MAT1A: variants seen among roughly 807,000 people sequenced by gnomAD.
The protein encoded by MAT1A is S-adenosylmethionine synthase isoform type-1.
In MAT1A, 19 loss-of-function variants were observed where a neutral mutation model predicts 44.0. The ratio of observed to expected loss-of-function variants is 0.43; its 90% CI spans 0.30 to 0.63. The LOEUF is 0.63. Among genes scored for constraint, MAT1A ranks in the 30% least tolerant of loss-of-function variants. The pLI, the probability that MAT1A is intolerant of heterozygous loss-of-function variation, is 0.12. For missense variants in MAT1A, 397 were observed against 531.0 expected (o/e 0.75, Z 2.48); for synonymous variants, 205 against 205.6 (o/e 1.00, Z 0.03).
chr10:80,284,509 T>C (rs1272762196), intron 2 of MAT1A, among the ~76,000 whole-genome samples: 1 of 152,176 alleles, frequency 6.6e-6, no homozygotes, highest in Admixed American at 6.5e-5. Flanking sequence ...TTTACAAAGA[T>C]ATAAGGGTAG....
chr10:80,274,705 C>G, intron 7 of MAT1A, 52 bp from the exon 8 acceptor site: 1 of 1,612,238 alleles, frequency 6.2e-7, no homozygotes, highest in Non-Finnish European at 8.5e-7. Flanking sequence ...GGGCCCTGCC[C>G]CTTTCAGAAG....
chr10:80,281,380 G>A (rs749991876), intron 3 of MAT1A, among the ~76,000 whole-genome samples: 2 of 152,164 alleles, frequency 1.3e-5, no homozygotes, highest in Non-Finnish European at 2.9e-5. Context: ...AAAGCCACCT[G>A]CCCTTTCCCA....
chr10:80,272,589 G>C lies in MAT1A; in HGVS notation c.*1192C>G, dbSNP rs1267727435. On this transcript the variant is annotated 3_prime_UTR_variant, in exon 9 of 9. Coordinates refer to ENST00000372213, the MANE Select transcript of MAT1A (RefSeq NM_000429.3). ...CTCCAAATGCACTCAGCCTGCAGGG[G>C]ATACAAGGGACCAGGGAAAGAGAAA... 2.6e-5 allele frequency: 4 copies of C among 152,492 alleles called. No homozygotes were observed. The highest frequency in any genetic ancestry group is 7.2e-5 in the African/African-American group (3 of 41,454). 9.4% of individuals were successfully genotyped at this position (152,492 alleles called of 1,614,324 possible).
intron 2 of MAT1A, among the ~76,000 whole-genome samples, chr10:80,284,340 T>A (rs1170715185): frequency 6.6e-6 from 1 of 152,076 alleles, no homozygotes; most frequent in Non-Finnish European, 1.5e-5. Context: ...GACTGCTATG[T>A]GGATTAAAGG....
intron 5 of MAT1A, among the ~76,000 whole-genome samples, chr10:80,277,441 A>G (rs1841505398): frequency 6.6e-6 from 1 of 152,218 alleles, no homozygotes; most frequent in South Asian, 2.1e-4. Context: ...AGGAGCAACA[A>G]GGAAGGTCCA....
chr10:80,283,798 T>G (rs756024596), intron 3 of MAT1A, 118 bp downstream of exon 3: 40 of 1,490,702 alleles, frequency 2.7e-5, no homozygotes, highest in Non-Finnish European at 3.4e-5. Context: ...TGTAGGAGTG[T>G]TTTCCTCCTG....
chr10:80,283,797 G>A, intron 3 of MAT1A, 119 bp downstream of exon 3: 1 of 1,478,980 alleles, frequency 6.8e-7, no homozygotes, highest in Non-Finnish European at 9.4e-7. Context: ...GTGTAGGAGT[G>A]TTTTCCTCCT....
intron 1 of MAT1A, among the ~76,000 whole-genome samples, chr10:80,287,144 G>T (rs2880456): frequency 0.073 from 11,069 of 152,280 alleles, 427 homozygotes; most frequent in Non-Finnish European, 0.085. Flanking sequence ...GATTGTGAAT[G>T]TCTCTGCCTG....
At chr10:80,274,870 C>T in intron 7 of MAT1A, 147 bp downstream of exon 7, 1 of 1,236,910 alleles carries the variant, frequency 8.1e-7, no homozygotes, top group South Asian at 1.3e-5. Context: ...TTTCAGAGCC[C>T]TGGCCACAGT....
In MAT1A at chr10:80,283,950, GGT is replaced by G; in HGVS notation, c.256_257del (p.Thr86HisfsTer8). ...MVDYQRVVRD[T>X]IKHIGYDDSA... ...AGTCATCGTAGCCGATGTGCTTGAT[GGT>G]GTCCCTCACCACCCGCTGGTAGTCC... On this transcript the variant is annotated frameshift_variant, in exon 3 of 9. Coordinates refer to ENST00000372213, the MANE Select transcript of MAT1A (RefSeq NM_000429.3). LOFTEE classifies it high-confidence loss of function. The G allele has an allele frequency of 1.9e-6, 3 of 1,614,234 alleles. No individual in the cohort carries two copies. The highest frequency in any genetic ancestry group is 2.5e-6 in the Non-Finnish European group (3 of 1,180,034).
At chr10:80,288,911 C>T (rs1024311250) in intron 1 of MAT1A, among the ~76,000 whole-genome samples, 1 of 152,212 alleles carries the variant, frequency 6.6e-6, no homozygotes, top group Non-Finnish European at 1.5e-5. Context: ...GGCCACAGCA[C>T]GGCTTCATCA....
chr10:80,289,427 C>T lies in MAT1A; in HGVS notation c.-4G>A. The T allele has an allele frequency of 6.2e-7, 1 of 1,609,546 alleles. No individual in the cohort carries two copies. Among genetic ancestry groups the T allele is most frequent in the Non-Finnish European group, 8.5e-7 (1 of 1,175,802 alleles). On this transcript the variant is annotated 5_prime_UTR_variant, in exon 1 of 9. Coordinates refer to ENST00000372213, the MANE Select transcript of MAT1A (RefSeq NM_000429.3). ...AGCCATCCACCGGTCCATTCATCTTCTCACACTTCTCCACTCACGCTTCTT... is the reference window on the plus strand; with the variant it reads ...AGCCATCCACCGGTCCATTCATCTTTTCACACTTCTCCACTCACGCTTCTT...
chr10:80,274,886 A>T (rs1841462107), intron 7 of MAT1A, 131 bp downstream of exon 7: 8 of 1,284,410 alleles, frequency 6.2e-6, no homozygotes, highest in Non-Finnish European at 7.6e-6. Context: ...ACAGTGCCCA[A>T]CACAATCACA....
chr10:80,287,497 G>A (rs375821042), intron 1 of MAT1A, among the ~76,000 whole-genome samples: 2 of 152,162 alleles, frequency 1.3e-5, no homozygotes, highest in Non-Finnish European at 1.5e-5. Context: ...TACAAGGGAC[G>A]ATTAGACAAA....
At position 80,273,440 on chromosome 10, in the gene MAT1A, G is replaced by A. The variant is rs938497163; in HGVS notation, c.*341C>T. The A allele has an allele frequency of 5.7e-6, 2 of 349,724 alleles. No individual in the cohort carries two copies. The highest frequency in any genetic ancestry group is 4.3e-5 in the African/African-American group (2 of 46,892). The allele number at this position is 349,724 out of a possible 1,614,324, so 21.7% of individuals were successfully genotyped here. On this transcript the variant is annotated 3_prime_UTR_variant, in exon 9 of 9. Coordinates refer to ENST00000372213, the MANE Select transcript of MAT1A (RefSeq NM_000429.3). ...CTGACCTCACCTGGCACAGGCAAGG[G>A]GAGGGAGGGGGAGCTGGTCAGGGTC...
chr10:80,284,117 G>A, intron 2 of MAT1A, 79 bp from the exon 3 acceptor site: 1 of 1,566,286 alleles, frequency 6.4e-7, no homozygotes, highest in Non-Finnish European at 8.7e-7. Flanking sequence ...ACCTCTCACA[G>A]TGCAGACAGA....
rs151189144 is a variant in MAT1A at position 80,280,237 on chromosome 10, G to A, written c.485C>T (p.Ala162Val). The A allele has an allele frequency of 6.2e-7, 1 of 1,614,124 alleles. No homozygotes were observed. The highest frequency in any genetic ancestry group is 1.7e-5 in the Admixed American group (1 of 60,022). The change falls in exon 5 of 9, where the codon GCC becomes GTC. Residue 162 changes from alanine to valine, a missense_variant. By Grantham distance (64) the Ala-to-Val change is moderately conservative (BLOSUM62 0). Transcript: ENST00000372213. ...LTIILAHKLN[A>V]RMADLRRSGL... is the part of the protein sequence containing the mutation. ...GGAGCGCCTGAGGTCTGCCATCCGG[G>A]CGTTGAGCTTGTGAGCAAGGATGAT... is the stretch of plus-strand genomic sequence containing the variant.
In MAT1A at chr10:80,273,841, G is replaced by A. The variant is rs755385387; in HGVS notation, c.1128C>T (p.Cys376=). ...ACTCGCTTCTTCCGAAATGGCCGTAGCATGCTGTCTTCTGGTAGATGGGCT... is the reference window on the plus strand; with the variant it reads ...ACTCGCTTCTTCCGAAATGGCCGTAACATGCTGTCTTCTGGTAGATGGGCT... ...LKKPIYQKTA[C]YGHFGRSEFP... is the part of the protein sequence containing the mutation. The change falls in exon 9 of 9, where the codon TGC becomes TGT. Residue 376 remains cysteine (C), a synonymous_variant. Transcript: ENST00000372213. 3.1e-6 allele frequency: 5 copies of A among 1,613,648 alleles called. No individual in the cohort carries two copies. The African/African-American group carries it at 6.7e-5, about 22-fold the overall frequency.
At chr10:80,282,861 T>C (rs1315239638) in intron 3 of MAT1A, among the ~76,000 whole-genome samples, 1 of 152,266 alleles carries the variant, frequency 6.6e-6, no homozygotes, top group East Asian at 1.9e-4. Context: ...CACATCACCC[T>C]AGACAACGAT....
Sources: gnomAD v4.1 joint callset for allele counts (sites outside exome capture counted in the v4.1 genomes callset) on GRCh38, gnomAD v4.1.1 for gene constraint, MANE v1.5 for transcripts, NCBI Gene and HGNC (gene_info 2026-07-23, HGNC 2026-07-21) for gene names.